TANC1: variants seen among roughly 807,000 people sequenced by gnomAD.
The protein encoded by TANC1 is protein TANC1.
Under a neutral mutation model 149.7 loss-of-function variants are expected in TANC1, and 77 were observed. That is an observed-to-expected ratio of 0.51 (90% confidence interval 0.43 to 0.62). The LOEUF is 0.62. Ranked by LOEUF, TANC1 falls within the 20% of genes least tolerant of loss-of-function variation. TANC1 has a pLI of 0.00. For synonymous variants in TANC1, 854 were observed against 925.0 expected (o/e 0.92, Z 1.39); for missense variants, 1,985 against 2,321.8 (o/e 0.85, Z 2.98).
rs1333830592 is a variant in TANC1, at chr2:159,178,670, G to C, written c.2017G>C (p.Asp673His). ...CCAGCACAGGGTGCACAGCAGCCAG[G>C]ACATCCTCAGCAACATCTCCCTGAA... ...YVQHRVHSSQ[D>H]ILSNISLNGK... Residue 673 changes from aspartate to histidine, a missense_variant, in exon 14 of 27, where the codon GAC becomes CAC. By Grantham distance (81) the Asp-to-His change is moderately conservative. Coordinates refer to ENST00000263635, the MANE Select transcript of TANC1 (RefSeq NM_033394.3). 1.9e-6 allele frequency: 3 copies of C among 1,614,166 alleles called. No homozygotes were observed. The highest frequency in any genetic ancestry group is 2.5e-6 in the Non-Finnish European group (3 of 1,180,036).
chr2:159,071,087 G>A (rs771180805), intron 3 of TANC1, among the ~76,000 whole-genome samples: 6 of 152,182 alleles, frequency 3.9e-5, no homozygotes, highest in Non-Finnish European at 7.3e-5. Flanking sequence ...GCTGGTCCCT[G>A]TCTACTTCTG....
At chr2:159,159,987 A>G (rs2053879527) in intron 7 of TANC1, among the ~76,000 whole-genome samples, 1 of 152,118 alleles carries the variant, frequency 6.6e-6, no homozygotes, top group Non-Finnish European at 1.5e-5. Context: ...GAAATCCCAT[A>G]TTATTCAAAA....
At chr2:159,033,868 A>G (rs528647182) in intron 2 of TANC1, among the ~76,000 whole-genome samples, 7 of 152,352 alleles carry the variant, frequency 4.6e-5, no homozygotes, top group South Asian at 2.1e-4. Flanking sequence ...TTCTTCAGGC[A>G]CTGTGGCTCT....
intron 19 of TANC1, among the ~76,000 whole-genome samples, chr2:159,203,437 CCTCATGATCCACCCA>C (rs2058389298): frequency 6.6e-6 from 1 of 152,038 alleles, no homozygotes; most frequent in African/African-American, 2.4e-5. Flanking sequence ...CATCTCCTGA[CCTCATGATCCACCCA>C]CCTCGGCCTC....
chr2:158,985,283 G>C (rs916064226), intron 1 of TANC1, among the ~76,000 whole-genome samples: 3 of 152,206 alleles, frequency 2.0e-5, no homozygotes, highest in African/African-American at 7.2e-5. Context: ...AAGGAAGCAA[G>C]CTCAAAGTAA....
intron 12 of TANC1, among the ~76,000 whole-genome samples, chr2:159,175,874 G>T (rs2055797713): frequency 6.6e-6 from 1 of 152,252 alleles, no homozygotes. Flanking sequence ...TGTTGGAGGA[G>T]TCGGTAGCGT....
chr2:159,109,618 A>C (rs192991065), intron 4 of TANC1, among the ~76,000 whole-genome samples: 10 of 152,216 alleles, frequency 6.6e-5, no homozygotes, highest in Admixed American at 1.3e-4. Flanking sequence ...AAATTCTTGA[A>C]ATAATTGATA....
intron 2 of TANC1, among the ~76,000 whole-genome samples, chr2:159,012,410 C>T (rs1438521697): frequency 6.6e-6 from 1 of 151,890 alleles, no homozygotes; most frequent in Non-Finnish European, 1.5e-5. Context: ...ACACGTGCCT[C>T]TGGAACCTTA....
rs554741734 is a variant in TANC1 at position 159,027,025 on chromosome 2, A to AT, written c.-16+25848dup. 341 of 143,316 alleles carry AT rather than the reference A, an allele frequency of 2.4e-3. 3 individuals are homozygous for AT. Among genetic ancestry groups the AT allele is most frequent in the South Asian group, 0.012 (54 of 4,482 alleles). The allele number at this position is 143,316 out of a possible 1,614,324, so 8.9% of individuals were successfully genotyped here. On this transcript the variant is annotated intron_variant, in intron 2 of 26. Coordinates refer to ENST00000263635, the MANE Select transcript of TANC1 (RefSeq NM_033394.3). ...CTCTCCTGAACACACTTTTTCACTC[A>AT]TTTTTTTTTTTTAAACATGGAATGC...
intron 1 of TANC1, among the ~76,000 whole-genome samples, chr2:158,997,847 C>T (rs1478901139): frequency 6.6e-6 from 1 of 152,148 alleles, no homozygotes; most frequent in African/African-American, 2.4e-5. Context: ...TAGGCCTTAG[C>T]CCTCCCTACA....
chr2:159,160,967 C>T (rs2053991172), intron 7 of TANC1, among the ~76,000 whole-genome samples: 1 of 152,060 alleles, frequency 6.6e-6, no homozygotes, highest in African/African-American at 2.4e-5. Flanking sequence ...TGAGTGTTAC[C>T]CCTCCGCCCC....
Position 159,163,412 on chromosome 2 carries a change from C to T in TANC1, c.812C>T (p.Pro271Leu). 1.9e-6 allele frequency: 3 copies of T among 1,614,144 alleles called. No homozygotes were observed. The highest frequency in any genetic ancestry group is 2.5e-6 in the Non-Finnish European group (3 of 1,180,042). ...LHDRRADNCSPVAEEETTGSA... is the reference protein window; with the variant it reads ...LHDRRADNCSLVAEEETTGSA... ...GACCGCAGGGCAGATAACTGCTCCCCAGTGGCAGAAGAGGAGACCACCGGG... is the reference window on the plus strand; with the variant it reads ...GACCGCAGGGCAGATAACTGCTCCCTAGTGGCAGAAGAGGAGACCACCGGG... The change falls in exon 8 of 27, where the codon CCA becomes CTA. Residue 271 changes from proline to leucine, a missense_variant. Pro to Leu is a moderately conservative substitution (Grantham distance 98, BLOSUM62 -3). Coordinates refer to ENST00000263635, the MANE Select transcript of TANC1 (RefSeq NM_033394.3).
rs1559440076 is a variant in TANC1 at position 159,196,755 on chromosome 2, C to T, written c.3127C>T (p.Gln1043Ter). 6.2e-7 allele frequency: 1 copy of T among 1,613,390 alleles called. No individual in the cohort carries two copies. Among genetic ancestry groups the T allele is most frequent in the Non-Finnish European group, 8.5e-7 (1 of 1,179,894 alleles). The change falls in exon 18 of 27, where the codon CAG becomes TAG. Residue 1043 changes from glutamine (Q) to a stop codon, truncating the protein, a stop_gained. Transcript: ENST00000263635. LOFTEE classifies it high-confidence loss of function. ...CCTGAGGAAGAGCCACGCCCTGCAGCAGGCGCTGACCGCGGCGGCCAGCAT... is the reference window on the plus strand; with the variant it reads ...CCTGAGGAAGAGCCACGCCCTGCAGTAGGCGCTGACCGCGGCGGCCAGCAT... ...GTLRKSHALQ[Q>*]ALTAAASMGH...
intron 4 of TANC1, among the ~76,000 whole-genome samples, chr2:159,109,511 G>A (rs1309475964): frequency 2.0e-5 from 3 of 152,206 alleles, no homozygotes; most frequent in African/African-American, 7.2e-5. Flanking sequence ...GAAGGTACTA[G>A]AGCTCTTTCT....
At chr2:159,179,938 G>A (rs545976110) in intron 14 of TANC1, among the ~76,000 whole-genome samples, 2 of 152,300 alleles carry the variant, frequency 1.3e-5, no homozygotes, top group African/African-American at 2.4e-5. Context: ...CTGCTGTCTC[G>A]AGTGGCTTCG....
At chr2:159,156,464 C>T (rs971671427) in intron 7 of TANC1, among the ~76,000 whole-genome samples, 8 of 152,150 alleles carry the variant, frequency 5.3e-5, no homozygotes, top group African/African-American at 9.7e-5. Context: ...CATTTATTGG[C>T]GCCTACTGTG....
chr2:159,143,645 A>G (rs889033685), intron 5 of TANC1, among the ~76,000 whole-genome samples: 4 of 151,910 alleles, frequency 2.6e-5, no homozygotes, highest in Non-Finnish European at 5.9e-5. Context: ...ATAATTAACT[A>G]AAAAGACTCC....
At chr2:159,043,071 T>A (rs1259196447) in intron 2 of TANC1, among the ~76,000 whole-genome samples, 1 of 152,176 alleles carries the variant, frequency 6.6e-6, no homozygotes, top group African/African-American at 2.4e-5. Context: ...GCTTGGATAG[T>A]GAGCATCTGA....
chr2:159,146,633 C>T (rs569345991), intron 5 of TANC1, among the ~76,000 whole-genome samples: 8 of 150,978 alleles, frequency 5.3e-5, no homozygotes, highest in South Asian at 2.1e-4. Flanking sequence ...CTCTGCCTCC[C>T]GGATTCAAGT....
Sources: allele counts gnomAD v4.1 joint callset (sites outside exome capture counted in the v4.1 genomes callset), GRCh38; gene constraint gnomAD v4.1.1; transcripts MANE v1.5; gene names NCBI Gene and HGNC (gene_info 2026-07-23, HGNC 2026-07-21).